Variants in LRRC74A observed in about 807,000 individuals in gnomAD.
LRRC74A encodes leucine rich repeat containing 74A.
LRRC74A carries 44 observed loss-of-function variants against 57.9 expected under a neutral mutation model. The observed-to-expected ratio is 0.76, with a 90% CI of 0.60 to 0.98. LRRC74A has a LOEUF of 0.98. LRRC74A is among the 50% of genes least tolerant of loss of function. LRRC74A has a pLI of 0.00. For missense variants in LRRC74A, 572 were observed against 574.0 expected (o/e 1.00, Z 0.04); for synonymous variants, 211 against 219.4 (o/e 0.96, Z 0.34).
intron 7 of LRRC74A, among the ~76,000 whole-genome samples, chr14:76,851,842 T>A (rs1897519502): frequency 6.6e-6 from 1 of 151,994 alleles, no homozygotes; most frequent in East Asian, 1.9e-4. Flanking sequence ...ATTTTTGTAT[T>A]TTTAGTAGAG....
intron 3 of LRRC74A, 76 bp from the exon 4 acceptor site, chr14:76,836,131 G>T: frequency 9.3e-7 from 1 of 1,069,886 alleles, no homozygotes; most frequent in Non-Finnish European, 1.4e-6. Context: ...CACATGGCTG[G>T]CCCAGGGCGA....
intron 2 of LRRC74A, 127 bp from the exon 3 acceptor site, chr14:76,831,076 C>T (rs1895937401): frequency 7.5e-6 from 7 of 934,114 alleles, no homozygotes; most frequent in African/African-American, 3.3e-5. Flanking sequence ...GGCTTCTTAG[C>T]ACATACCCAC....
At position 76,852,257 on chromosome 14, in the gene LRRC74A, C is replaced by T. The variant is rs1897548973; in HGVS notation, c.677-108C>T. The stretch of plus-strand genomic sequence containing the variant: ...AATTATTATCTGAGAATTTTACTTG[C>T]ATGACCACTGAGTGGTCTTTATCCC... On this transcript the variant is annotated intron_variant, in intron 7 of 13. Transcript: ENST00000689127. The T allele has an allele frequency of 9.9e-6, 7 of 705,906 alleles. No individual in the cohort carries two copies. The Admixed American group carries it at 1.9e-4, about 20-fold the overall frequency. The allele number at this position is 705,906 out of a possible 1,614,324, so 43.7% of individuals were successfully genotyped here. A position where few individuals can be genotyped will look rare whatever the true frequency, so the allele number is the denominator to read the frequency against.
At chr14:76,857,502 C>A in intron 10 of LRRC74A, 27 bp downstream of exon 10, 3 of 1,486,592 alleles carry the variant, frequency 2.0e-6, no homozygotes, top group Non-Finnish European at 2.8e-6. Flanking sequence ...TAGTTGCTTG[C>A]GTCTGGGCAC....
At chr14:76,843,179 A>C (rs1896886951) in intron 5 of LRRC74A, among the ~76,000 whole-genome samples, 1 of 151,730 alleles carries the variant, frequency 6.6e-6, no homozygotes, top group Non-Finnish European at 1.5e-5. Context: ...GTTACTCAGG[A>C]GGCTGAGGCA....
intron 9 of LRRC74A, among the ~76,000 whole-genome samples, chr14:76,857,071 ATGGT>A (rs895787747): frequency 4.8e-5 from 7 of 147,172 alleles, no homozygotes; most frequent in African/African-American, 1.8e-4. Context: ...GGATGGATAG[ATGGT>A]TGGATGGATG....
intron 5 of LRRC74A, among the ~76,000 whole-genome samples, chr14:76,841,715 T>C (rs923279023): frequency 9.7e-4 from 55 of 56,436 alleles, no homozygotes; most frequent in Admixed American, 1.4e-3. Flanking sequence ...TTTTTCTTTT[T>C]CTTTTTTTTT....
At chr14:76,843,180 G>T (rs773681296) in intron 5 of LRRC74A, among the ~76,000 whole-genome samples, 5 of 151,826 alleles carry the variant, frequency 3.3e-5, no homozygotes, top group Non-Finnish European at 7.4e-5. Context: ...TTACTCAGGA[G>T]GCTGAGGCAG....
At chr14:76,843,639 G>A (rs572673768) in intron 5 of LRRC74A, among the ~76,000 whole-genome samples, 11 of 152,270 alleles carry the variant, frequency 7.2e-5, no homozygotes, top group African/African-American at 2.6e-4. Flanking sequence ...GTTCTCTTTT[G>A]TCCATGTAAT....
chr14:76,868,646 TCTGTCTTGGTGGCC>T (rs1899152186), intron 13 of LRRC74A, among the ~76,000 whole-genome samples: 1 of 152,092 alleles, frequency 6.6e-6, no homozygotes, highest in South Asian at 2.1e-4. Flanking sequence ...TGAGCTCCCA[TCTGTCTTGGTGGCC>T]CTGTGGCTGG....
At chr14:76,850,844 CAAAAAAAAAAA>C (rs36208311) in intron 7 of LRRC74A, among the ~76,000 whole-genome samples, 24 of 130,948 alleles carry the variant, frequency 1.8e-4, no homozygotes, top group Admixed American at 2.5e-4. Flanking sequence ...AACTCTGTCT[CAAAAAAAAAAA>C]AAAAAAAAAG....
intron 7 of LRRC74A, among the ~76,000 whole-genome samples, chr14:76,849,594 G>C (rs905692518): frequency 1.3e-5 from 2 of 150,928 alleles, no homozygotes; most frequent in African/African-American, 4.9e-5. Flanking sequence ...CTGAGGTCAG[G>C]AGTTCAAGAC....
At chr14:76,845,975 G>A (rs766656948) in intron 7 of LRRC74A, among the ~76,000 whole-genome samples, 15 of 152,220 alleles carry the variant, frequency 9.9e-5, no homozygotes, top group African/African-American at 3.1e-4. Context: ...CCAAGATGGC[G>A]ACACTGCACT....
In LRRC74A at chr14:76,865,252, A is replaced by G. The variant is rs113081014; in HGVS notation, c.1201-716A>G. 3.0e-3 allele frequency among the ~76,000 whole-genome samples: 460 copies of G among 152,264 alleles called. 4 individuals are homozygous for G. The highest frequency in any genetic ancestry group is 0.01 in the African/African-American group (436 of 41,540). On this transcript the variant is annotated intron_variant, in intron 11 of 13. Coordinates refer to ENST00000689127, the MANE Select transcript of LRRC74A (RefSeq NM_001385106.1). ...AGCCCTTCGTACCTGTGGGTTCTGC[A>G]TATGCAAATGTGGATCCAAAATACA...
chr14:76,828,587 G>A (rs61740619), intron 2 of LRRC74A, 168 bp downstream of exon 2: 58,658 of 961,638 alleles, frequency 0.061, 2,033 homozygotes, highest in Non-Finnish European at 0.071. Flanking sequence ...GTCCTCCTCC[G>A]GGCTGGCAGG....
intron 10 of LRRC74A, among the ~76,000 whole-genome samples, chr14:76,860,102 G>A (rs1426231842): frequency 6.6e-6 from 1 of 152,102 alleles, no homozygotes; most frequent in Non-Finnish European, 1.5e-5. Flanking sequence ...CCTTAAACAG[G>A]GGTTTAATTC....
intron 11 of LRRC74A, among the ~76,000 whole-genome samples, chr14:76,864,212 G>A (rs1181683759): frequency 6.6e-6 from 1 of 152,180 alleles, no homozygotes; most frequent in African/African-American, 2.4e-5. Flanking sequence ...AGCTGTGGAG[G>A]ATGGAGAACT....
intron 13 of LRRC74A, among the ~76,000 whole-genome samples, chr14:76,867,717 G>T (rs2140318413): frequency 6.6e-6 from 1 of 152,300 alleles, no homozygotes; most frequent in East Asian, 1.9e-4. Flanking sequence ...AGCCCAGGAG[G>T]AGGGCAGGCA....
intron 7 of LRRC74A, among the ~76,000 whole-genome samples, chr14:76,851,511 C>A (rs1897485066): frequency 6.6e-6 from 1 of 152,130 alleles, no homozygotes; most frequent in East Asian, 1.9e-4. Flanking sequence ...GTGTGTGCCA[C>A]CACACCCAGT....
Sources: allele counts gnomAD v4.1 joint callset (sites outside exome capture counted in the v4.1 genomes callset), GRCh38; gene constraint gnomAD v4.1.1; transcripts MANE v1.5; gene names NCBI Gene and HGNC (gene_info 2026-07-23, HGNC 2026-07-21).